CTIF: variants seen among roughly 807,000 people sequenced by gnomAD.
CTIF encodes the protein CBP80/20-dependent translation initiation factor.
CTIF carries 21 observed loss-of-function variants against 66.0 expected under a neutral mutation model. The observed-to-expected ratio is 0.32, with a 90% CI of 0.23 to 0.46. The LOEUF (loss-of-function observed/expected upper bound fraction) is 0.46. Ranked by LOEUF, CTIF falls within the 20% of genes least tolerant of loss-of-function variation. The pLI is 1.00. For missense variants in CTIF, 739 were observed against 812.7 expected, an observed-to-expected ratio of 0.91 and a Z score of 1.10; for synonymous variants, 345 against 326.4, an observed-to-expected ratio of 1.06 and a Z score of -0.62.
At chr18:48,743,848 C>G (rs1053621063) in intron 7 of CTIF, among the ~76,000 whole-genome samples, 1 of 152,008 alleles carries the variant, frequency 6.6e-6, no homozygotes, top group Admixed American at 6.6e-5. Flanking sequence ...TTCTCAAATC[C>G]CAAAGAGTCA....
At chr18:48,743,666 T>C (rs769015570) in intron 7 of CTIF, among the ~76,000 whole-genome samples, 3 of 152,276 alleles carry the variant, frequency 2.0e-5, no homozygotes, top group Non-Finnish European at 4.4e-5. Flanking sequence ...TATTCATAAA[T>C]GTTATTAAAG....
intron 6 of CTIF, among the ~76,000 whole-genome samples, chr18:48,682,062 A>C (rs748513791): frequency 5.3e-5 from 8 of 152,166 alleles, no homozygotes; most frequent in Non-Finnish European, 8.8e-5. Flanking sequence ...CTGGGATTAC[A>C]GGTGTGAGCC....
intron 10 of CTIF, among the ~76,000 whole-genome samples, chr18:48,832,082 T>C (rs1385583190): frequency 6.6e-6 from 1 of 151,756 alleles, no homozygotes; most frequent in African/African-American, 2.4e-5. Context: ...AGGGGCACCA[T>C]GAATACTAAA....
intron 9 of CTIF, among the ~76,000 whole-genome samples, chr18:48,786,349 C>T (rs150668272): frequency 6.6e-6 from 1 of 152,262 alleles, no homozygotes; most frequent in African/African-American, 2.4e-5. Flanking sequence ...GTGTCTAAGC[C>T]CAGCGGTGGG....
intron 7 of CTIF, among the ~76,000 whole-genome samples, chr18:48,723,319 G>C (rs1833877702): frequency 6.6e-6 from 1 of 151,930 alleles, no homozygotes; most frequent in Admixed American, 6.6e-5. Context: ...GGGGAGGGCT[G>C]CTGCCTCATT....
At chr18:48,656,886 G>A (rs933859546) in intron 3 of CTIF, among the ~76,000 whole-genome samples, 3 of 152,216 alleles carry the variant, frequency 2.0e-5, no homozygotes, top group East Asian at 1.9e-4. Flanking sequence ...GCCAACCATG[G>A]AATTGCCAAC....
intron 1 of CTIF, among the ~76,000 whole-genome samples, chr18:48,587,169 C>A (rs977405783): frequency 1.3e-5 from 2 of 151,740 alleles, no homozygotes; most frequent in Non-Finnish European, 2.9e-5. Flanking sequence ...ACAACCTCCA[C>A]CTCTCAGGTT....
chr18:48,662,654 GCTCT>G lies in CTIF; in HGVS notation c.253-1093_253-1090del, dbSNP rs569019473. 4 of 151,570 alleles carry G rather than the reference GCTCT, an allele frequency of 2.6e-5. No individual in the cohort carries two copies. The East Asian group carries it at 7.8e-4, about 30-fold the overall frequency. 9.4% of individuals were successfully genotyped at this position (151,570 alleles called of 1,614,324 possible). A position where few individuals can be genotyped will look rare whatever the true frequency, so the allele number is the denominator to read the frequency against. ...TCCTTCTAGTTAATCAAAGCTGCTCGCTCTCTCTGTCTCTCTCTGGAAGAGAGAT... is the reference window on the plus strand; with the variant it reads ...TCCTTCTAGTTAATCAAAGCTGCTCGCTCTGTCTCTCTCTGGAAGAGAGAT... On this transcript the variant is annotated intron_variant, in intron 3 of 11. Coordinates refer to ENST00000256413, the MANE Select transcript of CTIF (RefSeq NM_014772.3).
At chr18:48,692,407 G>A (rs2091943181) in intron 6 of CTIF, 1 of 151,598 alleles carries the variant, frequency 6.6e-6, no homozygotes, top group Admixed American at 6.6e-5. Flanking sequence ...CTTCTTGCCT[G>A]GATCTTGTCC....
At chr18:48,661,667 G>C (rs922464336) in intron 3 of CTIF, among the ~76,000 whole-genome samples, 2 of 152,130 alleles carry the variant, frequency 1.3e-5, no homozygotes, top group South Asian at 2.1e-4. Flanking sequence ...GAACATTAGG[G>C]GCCACCTGCT....
chr18:48,616,914 C>T (rs895762219), intron 1 of CTIF, among the ~76,000 whole-genome samples: 11 of 152,182 alleles, frequency 7.2e-5, no homozygotes, highest in Non-Finnish European at 1.3e-4. Context: ...CAGGAAAGAG[C>T]GTCCTGTGTT....
intron 3 of CTIF, among the ~76,000 whole-genome samples, chr18:48,656,897 T>G (rs1302650456): frequency 2.0e-5 from 3 of 152,324 alleles, no homozygotes; most frequent in Admixed American, 1.3e-4. Context: ...AATTGCCAAC[T>G]GCAGAATGTT....
intron 9 of CTIF, among the ~76,000 whole-genome samples, chr18:48,770,359 A>G (rs1333019797): frequency 6.6e-6 from 1 of 152,262 alleles, no homozygotes; most frequent in Non-Finnish European, 1.5e-5. Context: ...GTGTTCTTCA[A>G]AATCACAGAG....
intron 9 of CTIF, among the ~76,000 whole-genome samples, chr18:48,798,386 G>C (rs1344281214): frequency 6.6e-6 from 1 of 152,182 alleles, no homozygotes; most frequent in African/African-American, 2.4e-5. Flanking sequence ...TCGGTTTGGG[G>C]TTCATCACAC....
At chr18:48,730,868 C>T (rs937260139) in intron 7 of CTIF, among the ~76,000 whole-genome samples, 21 of 146,934 alleles carry the variant, frequency 1.4e-4, no homozygotes, top group Admixed American at 8.8e-4. Context: ...AGGGGCCTCC[C>T]GCAGTGTGAG....
chr18:48,542,797 G>T (rs980689361), intron 1 of CTIF, among the ~76,000 whole-genome samples: 1 of 152,244 alleles, frequency 6.6e-6, no homozygotes, highest in South Asian at 2.1e-4. Flanking sequence ...TGATAGCCTT[G>T]TTACCCTGAA....
chr18:48,629,024 A>G (rs2668587), intron 2 of CTIF, among the ~76,000 whole-genome samples: 61,072 of 152,092 alleles, frequency 0.4, 14,422 homozygotes, highest in African/African-American at 0.66. Flanking sequence ...TCTTCAGGCT[A>G]GCAGGATTCT....
chr18:48,801,392 C>T (rs934914790), intron 9 of CTIF, among the ~76,000 whole-genome samples: 3 of 152,240 alleles, frequency 2.0e-5, no homozygotes, highest in Non-Finnish European at 4.4e-5. Context: ...CCTCCGCCTC[C>T]GGCTGTTCCT....
intron 9 of CTIF, among the ~76,000 whole-genome samples, chr18:48,802,554 G>A (rs1360912380): frequency 1.3e-5 from 2 of 152,216 alleles, no homozygotes; most frequent in Admixed American, 6.5e-5. Flanking sequence ...TCAGAAGGTA[G>A]GCAGATCAAG....
Sources: allele counts gnomAD v4.1 joint callset (sites outside exome capture counted in the v4.1 genomes callset), GRCh38; gene constraint gnomAD v4.1.1; transcripts MANE v1.5; gene names NCBI Gene and HGNC (gene_info 2026-07-23, HGNC 2026-07-21).